Variants in VPS8 observed in about 807,000 individuals in gnomAD.
The protein encoded by VPS8 is vacuolar protein sorting-associated protein 8 homolog.
A neutral mutation model predicts 216.4 loss-of-function variants in VPS8; 129 were observed. The observed-to-expected ratio is 0.60, with a 90% CI of 0.52 to 0.69. The LOEUF is 0.69. VPS8 is among the 30% of genes least tolerant of loss of function. VPS8 has a pLI of 0.00. For synonymous variants in VPS8, 571 were observed against 565.4 expected, an observed-to-expected ratio of 1.01 and a Z score of -0.14; for missense variants, 1,531 against 1,683.5, an observed-to-expected ratio of 0.91 and a Z score of 1.59.
chr3:185,001,664 C>T (rs1328269245), intron 45 of VPS8, among the ~76,000 whole-genome samples: 1 of 152,058 alleles, frequency 6.6e-6, no homozygotes, highest in Non-Finnish European at 1.5e-5. Context: ...GCTCAATCTC[C>T]AGCCCCTCTC....
intron 35 of VPS8, 137 bp downstream of exon 35, chr3:184,936,472 T>C: frequency 1.2e-6 from 1 of 813,424 alleles, no homozygotes; most frequent in Non-Finnish European, 1.9e-6. Flanking sequence ...GGTGCAAAAG[T>C]GATTGTGGTT....
rs148227488 is a variant in VPS8, at chr3:185,046,719, C to T, written c.4057-1760C>T. On this transcript the variant is annotated intron_variant, in intron 46 of 47. Transcript: ENST00000625842. The stretch of plus-strand genomic sequence containing the variant: ...ATTATGTCTAATTTTCATAACAATT[C>T]TGCAAAGTAGAGTTTTACAGATAAA... Among the ~76,000 whole-genome samples, 18 of 152,300 alleles carry T rather than the reference C, an allele frequency of 1.2e-4. 1 individual carries two copies. The East Asian group carries it at 3.1e-3, about 26-fold the overall frequency.
At chr3:185,015,023 A>C (rs1755592813) in intron 45 of VPS8, among the ~76,000 whole-genome samples, 1 of 152,244 alleles carries the variant, frequency 6.6e-6, no homozygotes, top group Admixed American at 6.5e-5. Context: ...CATGTATGAC[A>C]TCCATTAGCC....
Position 184,838,830 on chromosome 3 carries a change from A to C in VPS8, c.480+84A>C, listed in dbSNP as rs1721592144. 7.5e-6 allele frequency: 8 copies of C among 1,072,014 alleles called. No individual in the cohort carries two copies. The South Asian group carries it at 9.8e-5, about 13-fold the overall frequency. 66.4% of individuals were successfully genotyped at this position (1,072,014 alleles called of 1,614,324 possible). A position where few individuals can be genotyped will look rare whatever the true frequency, so the allele number is the denominator to read the frequency against. On this transcript the variant is annotated intron_variant, in intron 6 of 47. Transcript: ENST00000625842. The stretch of plus-strand genomic sequence containing the variant: ...TTATCATTACATTGTTCAAAATACT[A>C]CATAAGTTGTTATGGTAATAAATTC...
chr3:184,908,915 G>A (rs559447767), intron 25 of VPS8, among the ~76,000 whole-genome samples: 27 of 152,218 alleles, frequency 1.8e-4, no homozygotes, highest in Non-Finnish European at 3.8e-4. Flanking sequence ...GGCAACATTC[G>A]ATTGGTTAAA....
chr3:184,978,364 C>G (rs929576171), intron 40 of VPS8, among the ~76,000 whole-genome samples: 4 of 151,714 alleles, frequency 2.6e-5, no homozygotes, highest in African/African-American at 9.7e-5. Flanking sequence ...TCCTTCTGTC[C>G]GTCCATCCGT....
intron 35 of VPS8, among the ~76,000 whole-genome samples, chr3:184,938,488 G>C (rs1742038359): frequency 6.6e-6 from 1 of 152,162 alleles, no homozygotes; most frequent in South Asian, 2.1e-4. Context: ...AGGGAGGGTA[G>C]GAGGAGGTTT....
intron 30 of VPS8, among the ~76,000 whole-genome samples, chr3:184,925,934 C>T (rs980725179): frequency 1.3e-5 from 2 of 151,084 alleles, no homozygotes; most frequent in Non-Finnish European, 3.0e-5. Flanking sequence ...CCACCACGCC[C>T]GGCTAATTTC....
chr3:184,825,424 A>C (rs889608413), intron 2 of VPS8, among the ~76,000 whole-genome samples: 1 of 152,138 alleles, frequency 6.6e-6, no homozygotes, highest in Non-Finnish European at 1.5e-5. Flanking sequence ...TGAGTATGAG[A>C]ATAACAGCAT....
chr3:184,893,132 C>A, intron 22 of VPS8: 1 of 426,422 alleles, frequency 2.3e-6, no homozygotes, highest in Non-Finnish European at 3.2e-6. Flanking sequence ...AAATAAATGG[C>A]TGTGGATTTT....
At chr3:184,894,531 T>TATATATATATATATATATATAC (rs1186136967) in intron 22 of VPS8, among the ~76,000 whole-genome samples, 172 bp from the exon 23 acceptor site, 2 of 98,982 alleles carry the variant, frequency 2.0e-5, no homozygotes, top group Non-Finnish European at 4.4e-5. Flanking sequence ...TATATATATA[T>TATATATATATATATATATATAC]ACACACACAC....
chr3:184,824,666 C>CAG lies in VPS8; in HGVS notation c.37_38dup (p.Ser13ArgfsTer12). ...TGAACCAGACCATGAAAATGTGGAA[C>CAG]AGAGCCTCTGTGCCAAGACGAGCGA... is the stretch of plus-strand genomic sequence containing the variant. On this transcript the variant is annotated frameshift_variant, in exon 2 of 48. Transcript: ENST00000625842. LOFTEE classifies it high-confidence loss of function. 3 of 1,613,904 alleles carry CAG rather than the reference C, an allele frequency of 1.9e-6. No individual in the cohort carries two copies. Among genetic ancestry groups the CAG allele is most frequent in the Non-Finnish European group, 2.5e-6 (3 of 1,179,870 alleles).
intron 36 of VPS8, among the ~76,000 whole-genome samples, chr3:184,946,373 C>T (rs995443908): frequency 5.9e-5 from 9 of 152,202 alleles, no homozygotes; most frequent in Admixed American, 3.3e-4. Context: ...GCTTGGCCTG[C>T]GCCCAGGAAT....
chr3:184,943,007 G>A (rs1436136718), intron 36 of VPS8, among the ~76,000 whole-genome samples: 1 of 152,088 alleles, frequency 6.6e-6, no homozygotes, highest in Non-Finnish European at 1.5e-5. Context: ...TTTGTTTAAG[G>A]TCTGTTTTTG....
At position 184,919,964 on chromosome 3, in the gene VPS8, C is replaced by G. The variant is rs148826532; in HGVS notation, c.2383-163C>G. Among the ~76,000 whole-genome samples, 317 of 152,108 alleles carry G rather than the reference C, an allele frequency of 2.1e-3. 1 individual carries two copies. The highest frequency in any genetic ancestry group is 0.01 in the Middle Eastern group (3 of 292). On this transcript the variant is annotated intron_variant, in intron 28 of 47. Coordinates refer to ENST00000625842, the MANE Select transcript of VPS8 (RefSeq NM_001009921.3). Reference sequence around the variant, plus strand: ...AAATGCCATAGCTTTCTACTTGACTCACTAAAAATAATGTCACGCAAGGTG... The same window carrying G: ...AAATGCCATAGCTTTCTACTTGACTGACTAAAAATAATGTCACGCAAGGTG...
chr3:184,995,829 C>A (rs973060978), intron 43 of VPS8, among the ~76,000 whole-genome samples: 3 of 152,090 alleles, frequency 2.0e-5, no homozygotes, highest in Non-Finnish European at 4.4e-5. Flanking sequence ...GATCTCTCTG[C>A]CCAAGGAAGA....
chr3:184,931,687 A>G (rs1385154548), intron 34 of VPS8, among the ~76,000 whole-genome samples: 1 of 152,168 alleles, frequency 6.6e-6, no homozygotes, highest in African/African-American at 2.4e-5. Context: ...AACATGGAAT[A>G]TGTTATTTAG....
intron 15 of VPS8, among the ~76,000 whole-genome samples, chr3:184,861,074 A>G (rs942049024): frequency 3.9e-5 from 6 of 152,126 alleles, no homozygotes; most frequent in African/African-American, 1.4e-4. Flanking sequence ...TGCCCGCCTC[A>G]GCCTCCCAAA....
chr3:184,935,919 T>C (rs1379115241), intron 34 of VPS8, among the ~76,000 whole-genome samples: 1 of 152,214 alleles, frequency 6.6e-6, no homozygotes, highest in Non-Finnish European at 1.5e-5. Flanking sequence ...GTGAAATGCA[T>C]TGACAGGAAA....
Sources: allele counts gnomAD v4.1 joint callset (sites outside exome capture counted in the v4.1 genomes callset), GRCh38; gene constraint gnomAD v4.1.1; transcripts MANE v1.5; gene names NCBI Gene and HGNC (gene_info 2026-07-23, HGNC 2026-07-21).